The following SLC39A9 variants were observed in gnomAD, a reference collection of about 807,000 sequenced individuals.
SLC39A9 encodes the protein zinc transporter ZIP9.
Under a neutral mutation model 28.4 loss-of-function variants are expected in SLC39A9, and 14 were observed. That is an observed-to-expected ratio of 0.49 (90% CI 0.33 to 0.77). SLC39A9 has a LOEUF of 0.77. SLC39A9 is among the 30% of genes least tolerant of loss of function. The pLI is 0.02. For missense variants in SLC39A9, 283 were observed against 381.1 expected (o/e 0.74, Z 2.14); for synonymous variants, 119 against 149.6 (o/e 0.80, Z 1.49).
chr14:69,423,939 A>T lies in SLC39A9; in HGVS notation c.97-155A>T, dbSNP rs142487659. Among the ~76,000 whole-genome samples, 90 of 151,686 alleles carry T rather than the reference A, an allele frequency of 5.9e-4. 2 individuals are homozygous for T. In the East Asian group the frequency reaches 0.017, roughly 29 times the overall value. On this transcript the variant is annotated intron_variant, in intron 1 of 6. Transcript: ENST00000336643. ...AATTCATCTCTTTGTTTTACTTGGC[A>T]TTACTCATGCAATTGATCATTTTTC... is the stretch of plus-strand genomic sequence containing the variant.
chr14:69,459,228 G>C lies in SLC39A9; in HGVS notation c.*635G>C. 1.0e-6 allele frequency: 1 copy of C among 985,466 alleles called. No homozygotes were observed. The highest frequency in any genetic ancestry group is 1.2e-6 in the Non-Finnish European group (1 of 829,950). 61.0% of individuals were successfully genotyped at this position (985,466 alleles called of 1,614,324 possible). A position where few individuals can be genotyped will look rare whatever the true frequency, so the allele number is the denominator to read the frequency against. Reference sequence around the variant, plus strand: ...AGGGATGTCTAGAGGGATTTAAACAGCTCCTTTGGCACGTGCCTCTCTGAA... The same window carrying C: ...AGGGATGTCTAGAGGGATTTAAACACCTCCTTTGGCACGTGCCTCTCTGAA... On this transcript the variant is annotated 3_prime_UTR_variant, in exon 7 of 7. Transcript: ENST00000336643.
At chr14:69,428,679 G>A (rs1423624869) in intron 2 of SLC39A9, 1 of 152,566 alleles carries the variant, frequency 6.6e-6, no homozygotes, top group Non-Finnish European at 1.5e-5. Context: ...AACAGAAGAT[G>A]AAACATGGCT....
intron 1 of SLC39A9, among the ~76,000 whole-genome samples, chr14:69,410,845 G>GCTGTA (rs1883222717): frequency 6.7e-6 from 1 of 150,268 alleles, no homozygotes; most frequent in African/African-American, 2.5e-5. Flanking sequence ...TTTTTAGGAA[G>GCTGTA]CTGTAGTTGA....
intron 3 of SLC39A9, among the ~76,000 whole-genome samples, chr14:69,446,021 C>CGTTGTTGTT (rs34229171): frequency 5.3e-5 from 8 of 151,072 alleles, no homozygotes; most frequent in African/African-American, 1.9e-4. Context: ...ATACTGAACT[C>CGTTGTTGTT]GTTGTTGTTG....
At chr14:69,424,905 G>A (rs1002927196) in intron 2 of SLC39A9, among the ~76,000 whole-genome samples, 1 of 152,186 alleles carries the variant, frequency 6.6e-6, no homozygotes, top group Non-Finnish European at 1.5e-5. Context: ...GTTAAGAATA[G>A]TATAAAGAGG....
chr14:69,420,811 C>T (rs183346208), intron 1 of SLC39A9, among the ~76,000 whole-genome samples: 2 of 152,314 alleles, frequency 1.3e-5, no homozygotes, highest in South Asian at 2.1e-4. Context: ...GCATGTGTCA[C>T]GTAGTTCTCA....
chr14:69,438,271 T>C (rs1009936424), intron 2 of SLC39A9, among the ~76,000 whole-genome samples: 15 of 152,202 alleles, frequency 9.9e-5, no homozygotes, highest in Non-Finnish European at 1.6e-4. Flanking sequence ...TCCACCTGCC[T>C]TGGCCGCCCA....
At chr14:69,457,206 A>T (rs575953911) in intron 6 of SLC39A9, among the ~76,000 whole-genome samples, 3 of 148,856 alleles carry the variant, frequency 2.0e-5, no homozygotes, top group African/African-American at 7.4e-5. Context: ...ACACACACAC[A>T]TTTTTTTTTT....
At position 69,442,037 on chromosome 14, in the gene SLC39A9, A is replaced by G. The variant is rs200286779; in HGVS notation, c.206-32A>G. The stretch of plus-strand genomic sequence containing the variant: ...ATGAAAATGTTTTTAGGGGAAAAAC[A>G]TATTTTCTCTTTATGGTTTATTCTG... On this transcript the variant is annotated intron_variant, in intron 2 of 6. Coordinates refer to ENST00000336643, the MANE Select transcript of SLC39A9 (RefSeq NM_018375.5). The G allele has an allele frequency of 6.1e-4, 968 of 1,596,052 alleles. 6 individuals carry two copies. In the African/African-American group the frequency reaches 0.011, roughly 18 times the overall value.
intron 1 of SLC39A9, among the ~76,000 whole-genome samples, chr14:69,419,747 A>G (rs1883778422): frequency 6.6e-6 from 1 of 152,240 alleles, no homozygotes; most frequent in East Asian, 1.9e-4. Context: ...TCCCTTTACC[A>G]TTATATAATG....
intron 1 of SLC39A9, among the ~76,000 whole-genome samples, chr14:69,409,743 A>G (rs893814015): frequency 6.6e-6 from 1 of 152,210 alleles, no homozygotes; most frequent in Non-Finnish European, 1.5e-5. Context: ...ATAGTGTTGC[A>G]TGAATATTTT....
intron 1 of SLC39A9, among the ~76,000 whole-genome samples, chr14:69,415,678 G>A (rs1251306616): frequency 1.3e-5 from 2 of 152,012 alleles, no homozygotes; most frequent in Non-Finnish European, 2.9e-5. Context: ...TTGCTATATG[G>A]CAAGTATTAA....
intron 3 of SLC39A9, among the ~76,000 whole-genome samples, chr14:69,452,843 G>A (rs1041879057): frequency 6.6e-6 from 1 of 152,192 alleles, no homozygotes; most frequent in African/African-American, 2.4e-5. Context: ...GATTGGTCTG[G>A]AAAGAAATGA....
intron 1 of SLC39A9, among the ~76,000 whole-genome samples, chr14:69,399,800 G>A (rs960398505): frequency 6.6e-6 from 1 of 152,188 alleles, no homozygotes; most frequent in Non-Finnish European, 1.5e-5. Flanking sequence ...ATGGAATCAA[G>A]ATTCCAGATT....
In SLC39A9 at chr14:69,459,037, A is replaced by C. The variant is rs1885998380; in HGVS notation, c.*444A>C. 1.0e-6 allele frequency: 1 copy of C among 990,276 alleles called. No homozygotes were observed. Among genetic ancestry groups the C allele is most frequent in the Non-Finnish European group, 1.2e-6 (1 of 832,412 alleles). 61.3% of individuals were successfully genotyped at this position (990,276 alleles called of 1,614,324 possible). On this transcript the variant is annotated 3_prime_UTR_variant, in exon 7 of 7. Transcript: ENST00000336643. ...ATTTTTAACATGGTTCCCACCATGT[A>C]AGACTGGTGCTTTAGCATCTATGCC... is the stretch of plus-strand genomic sequence containing the variant.
At chr14:69,412,650 C>G (rs1566909040) in intron 1 of SLC39A9, among the ~76,000 whole-genome samples, 1 of 152,070 alleles carries the variant, frequency 6.6e-6, no homozygotes, top group Non-Finnish European at 1.5e-5. Flanking sequence ...TTAATTCATT[C>G]TTTCAATAAA....
At chr14:69,451,304 C>T (rs557463211) in intron 3 of SLC39A9, among the ~76,000 whole-genome samples, 1 of 152,122 alleles carries the variant, frequency 6.6e-6, no homozygotes, top group Non-Finnish European at 1.5e-5. Flanking sequence ...TGCTGGACTC[C>T]TAAGAAGATT....
Position 69,461,305 on chromosome 14 carries a change from A to G in SLC39A9, c.*2712A>G, listed in dbSNP as rs1886101604. On this transcript the variant is annotated 3_prime_UTR_variant, in exon 7 of 7. Coordinates refer to ENST00000336643, the MANE Select transcript of SLC39A9 (RefSeq NM_018375.5). ...ATGGCAAATTAAGTTAAAGAATACTACTGCTCCATTCCCCTCACTTATTCT... is the reference window on the plus strand; with the variant it reads ...ATGGCAAATTAAGTTAAAGAATACTGCTGCTCCATTCCCCTCACTTATTCT... 2 of 1,036,012 alleles carry G rather than the reference A, an allele frequency of 1.9e-6. No individual in the cohort carries two copies. Among genetic ancestry groups the G allele is most frequent in the African/African-American group, 1.7e-5 (1 of 59,296 alleles). The allele number at this position is 1,036,012 out of a possible 1,614,324, so 64.2% of individuals were successfully genotyped here.
intron 1 of SLC39A9, among the ~76,000 whole-genome samples, chr14:69,413,227 G>A (rs1883372808): frequency 6.6e-6 from 1 of 152,110 alleles, no homozygotes; most frequent in South Asian, 2.1e-4. Flanking sequence ...ATGGTGGCAG[G>A]CACGTGTAGT....
Sources: allele counts gnomAD v4.1 joint callset (sites outside exome capture counted in the v4.1 genomes callset), GRCh38; gene constraint gnomAD v4.1.1; transcripts MANE v1.5; gene names NCBI Gene and HGNC (gene_info 2026-07-23, HGNC 2026-07-21).